IDE: variants seen among roughly 807,000 people sequenced by gnomAD.
IDE encodes insulin-degrading enzyme.
In IDE, 58 loss-of-function variants were observed where a neutral mutation model predicts 133.2. The ratio of observed to expected loss-of-function variants is 0.44; its 90% CI spans 0.35 to 0.54. IDE has a LOEUF of 0.54. Ranked by LOEUF, IDE falls within the 20% of genes least tolerant of loss-of-function variation. The pLI, the probability that IDE is intolerant of heterozygous loss-of-function variation, is 0.00. For missense variants in IDE, 981 were observed against 1,234.0 expected (o/e 0.79, Z 3.07); for synonymous variants, 396 against 421.3 (o/e 0.94, Z 0.73).
At position 92,508,848 on chromosome 10, in the gene IDE, A is replaced by G; in HGVS notation, c.940T>C (p.Tyr314His). 6.2e-7 allele frequency: 1 copy of G among 1,612,626 alleles called. No individual in the cohort carries two copies. The highest frequency in any genetic ancestry group is 2.2e-5 in the East Asian group (1 of 44,876). The change falls in exon 7 of 25, where the codon TAT (tyrosine) becomes CAT (histidine). Residue 314 changes from tyrosine (Y) to histidine (H), a missense_variant. Transcript: ENST00000265986. Reference sequence around the variant, plus strand: ...AGGTCAGGTATGGGAAATGTCACATAGAGATTCCTAATATCTTTAATGGGT... The same window carrying G: ...AGGTCAGGTATGGGAAATGTCACATGGAGATTCCTAATATCTTTAATGGGT... ...IVPIKDIRNLYVTFPIPDLQK... is the reference protein window; with the variant it reads ...IVPIKDIRNLHVTFPIPDLQK...
rs754191673 is a variant in IDE at position 92,537,084 on chromosome 10, C to T, written c.283+282G>A. On this transcript the variant is annotated intron_variant, in intron 2 of 24. Coordinates refer to ENST00000265986, the MANE Select transcript of IDE (RefSeq NM_004969.4). The stretch of plus-strand genomic sequence containing the variant: ...AAGGAATGTTATATTAAATGTACCA[C>T]GGTAAAAAAAAAAATCATAACTGTT... 3.7e-4 allele frequency among the ~76,000 whole-genome samples: 55 copies of T among 150,280 alleles called. 1 individual carries two copies. The highest frequency in any genetic ancestry group is 1.3e-3 in the African/African-American group (54 of 40,876).
At chr10:92,537,043 A>T (rs546791202) in intron 2 of IDE, among the ~76,000 whole-genome samples, 1 of 152,100 alleles carries the variant, frequency 6.6e-6, no homozygotes, top group African/African-American at 2.4e-5. Context: ...CTCAAAAAAA[A>T]AAAAAGAAAA....
intron 5 of IDE, among the ~76,000 whole-genome samples, chr10:92,510,710 TATATATCACATACATCTCACATGTATGAA>T (rs1848550485): frequency 6.7e-6 from 1 of 149,334 alleles, no homozygotes; most frequent in African/African-American, 2.5e-5. Flanking sequence ...ACATATATGA[TATATATCACATACATCTCACATGTATGAA>T]ATATAGCACA....
chr10:92,566,530 TCTTA>T (rs1015788614), intron 1 of IDE, among the ~76,000 whole-genome samples: 3 of 152,032 alleles, frequency 2.0e-5, no homozygotes, highest in African/African-American at 4.8e-5. Context: ...CATCACATGT[TCTTA>T]CTTATTTGTG....
intron 20 of IDE, 84 bp from the exon 21 acceptor site, chr10:92,464,087 G>A (rs1589366511): frequency 7.3e-7 from 1 of 1,369,432 alleles, no homozygotes. Context: ...ACCTGTCTGA[G>A]CAAATAAAAT....
At position 92,464,397 on chromosome 10, in the gene IDE, G is replaced by A. The variant is rs779223917; in HGVS notation, c.2489-394C>T. On this transcript the variant is annotated intron_variant, in intron 20 of 24. Transcript: ENST00000265986. ...GTGTTTCCTTTAACATCCAAGTTCC[G>A]CATATGAACACGGCTCTCCTACTGT... 3.7e-4 allele frequency among the ~76,000 whole-genome samples: 56 copies of A among 152,186 alleles called. No homozygotes were observed. In the Middle Eastern group the frequency reaches 0.01, roughly 28 times the overall value.
Position 92,453,906 on chromosome 10 carries a change from C to T in IDE, c.*538G>A, listed in dbSNP as rs909558866. On this transcript the variant is annotated 3_prime_UTR_variant, in exon 25 of 25. Transcript: ENST00000265986. ...TTTTATAAAAAGATTAAAACCATGC[C>T]TTATATAACCAGCATTTCACTAATA... 1 of 152,118 alleles carries T rather than the reference C, an allele frequency of 6.6e-6. No homozygotes were observed. The highest frequency in any genetic ancestry group is 6.6e-5 in the Admixed American group (1 of 15,260). The allele number at this position is 152,118 out of a possible 1,614,324, so 9.4% of individuals were successfully genotyped here.
chr10:92,498,615 G>C (rs1184741330), intron 11 of IDE, among the ~76,000 whole-genome samples: 3 of 151,934 alleles, frequency 2.0e-5, no homozygotes, highest in African/African-American at 7.3e-5. Context: ...AAGTTAGCTG[G>C]GCGTGGTGGC....
chr10:92,461,962 C>T (rs960940859), intron 21 of IDE, among the ~76,000 whole-genome samples: 2 of 152,182 alleles, frequency 1.3e-5, no homozygotes, highest in African/African-American at 4.8e-5. Flanking sequence ...GCGTGAGCCA[C>T]TGTGCCTAGC....
chr10:92,462,136 T>G (rs1845426143), intron 21 of IDE, among the ~76,000 whole-genome samples: 1 of 150,202 alleles, frequency 6.7e-6, no homozygotes, highest in Admixed American at 6.6e-5. Flanking sequence ...GCCAACATGG[T>G]GAAACCCCAT....
chr10:92,508,327 G>A, intron 7 of IDE, 122 bp from the exon 8 acceptor site: 2 of 771,842 alleles, frequency 2.6e-6, no homozygotes, highest in African/African-American at 1.7e-5. Context: ...CTTGCGAAAA[G>A]ATTGGGAAAA....
At chr10:92,491,815 T>C (rs759127628) in intron 11 of IDE, among the ~76,000 whole-genome samples, 32 of 152,164 alleles carry the variant, frequency 2.1e-4, no homozygotes, top group Non-Finnish European at 2.8e-4. Context: ...TTCACCATGT[T>C]GGCCAGGCTG....
At chr10:92,504,769 T>G in intron 11 of IDE, 25 bp downstream of exon 11, 1 of 1,166,886 alleles carries the variant, frequency 8.6e-7, no homozygotes, top group Non-Finnish European at 1.3e-6. Context: ...TAGTGTATAA[T>G]AGTAAAATCT....
chr10:92,483,153 T>A (rs925597412), intron 14 of IDE, 102 bp downstream of exon 14: 1 of 630,098 alleles, frequency 1.6e-6, no homozygotes, highest in African/African-American at 1.8e-5. Context: ...TAACTCTAAT[T>A]CCTTTTATTT....
chr10:92,524,235 G>A (rs1849388017), intron 4 of IDE, among the ~76,000 whole-genome samples: 1 of 139,506 alleles, frequency 7.2e-6, no homozygotes, highest in Admixed American at 8.6e-5. Context: ...AACCCGGGAA[G>A]TGGAGGTTAC....
Position 92,515,024 on chromosome 10 carries a change from T to C in IDE, c.680A>G (p.Glu227Gly). 6.2e-7 allele frequency: 1 copy of C among 1,607,756 alleles called. No homozygotes were observed. Among genetic ancestry groups the C allele is most frequent in the Non-Finnish European group, 8.5e-7 (1 of 1,176,942 alleles). The change falls in exon 5 of 25, where the codon GAG becomes GGG. Residue 227 changes from glutamate to glycine, a missense_variant. Transcript: ENST00000265986. ...AATGCCTTCTTGGTTTGGTCTAGTC[T>C]CCAGAGTATATTTGTTACCTGGAAG... ...KFGTGNKYTLETRPNQEGIDV... is the reference protein window; with the variant it reads ...KFGTGNKYTLGTRPNQEGIDV...
intron 1 of IDE, among the ~76,000 whole-genome samples, chr10:92,540,003 A>T (rs1218906698): frequency 1.3e-5 from 2 of 152,126 alleles, no homozygotes; most frequent in African/African-American, 4.8e-5. Flanking sequence ...GCACTTCGGG[A>T]GACTGAGGCG....
Position 92,506,246 on chromosome 10 carries a change from CATAAA to C in IDE, c.1326+191_1326+195del, listed in dbSNP as rs539190692. ...AAATGCATATTTAATAAAAATATTA[CATAAA>C]ATAAATTTCACGATGATGAAAATTA... On this transcript the variant is annotated intron_variant, in intron 10 of 24. Coordinates refer to ENST00000265986, the MANE Select transcript of IDE (RefSeq NM_004969.4). Among the ~76,000 whole-genome samples, 544 of 152,258 alleles carry C rather than the reference CATAAA, an allele frequency of 3.6e-3. 1 individual carries two copies. The highest frequency in any genetic ancestry group is 6.8e-3 in the Middle Eastern group (2 of 294).
At chr10:92,536,204 GA>G (rs918853091) in intron 2 of IDE, among the ~76,000 whole-genome samples, 1 of 151,544 alleles carries the variant, frequency 6.6e-6, no homozygotes, top group African/African-American at 2.4e-5. Flanking sequence ...CCAACGTGGT[GA>G]AACCTCATCT....
Sources: allele counts gnomAD v4.1 joint callset (sites outside exome capture counted in the v4.1 genomes callset), GRCh38; gene constraint gnomAD v4.1.1; transcripts MANE v1.5; gene names NCBI Gene and HGNC (gene_info 2026-07-23, HGNC 2026-07-21).